AQR: variants seen among roughly 807,000 people sequenced by gnomAD.
AQR encodes RNA helicase aquarius.
AQR carries 61 observed loss-of-function variants against 180.5 expected under a neutral mutation model. The observed-to-expected ratio is 0.34, with a 90% CI of 0.28 to 0.42. AQR has a LOEUF of 0.42. Among genes scored for constraint, AQR ranks in the 10% least tolerant of loss-of-function variants. The pLI, the probability that AQR is intolerant of heterozygous loss-of-function variation, is 1.00. For missense variants in AQR, 1,281 were observed against 1,798.3 expected, an observed-to-expected ratio of 0.71 and a Z score of 5.20; for synonymous variants, 551 against 588.8, an observed-to-expected ratio of 0.94 and a Z score of 0.93.
intron 19 of AQR, among the ~76,000 whole-genome samples, chr15:34,901,385 A>G (rs934712804): frequency 1.3e-5 from 2 of 152,336 alleles, no homozygotes; most frequent in Middle Eastern, 3.4e-3. Flanking sequence ...AAGAAATAAA[A>G]AAGCGAACAA....
In AQR at chr15:34,949,649, C is replaced by A. The variant is rs1029996095; in HGVS notation, c.210-1265G>T. Among the ~76,000 whole-genome samples the A allele has an allele frequency of 2.5e-3, 355 of 141,410 alleles. 1 individual carries two copies. The highest frequency in any genetic ancestry group is 3.8e-3 in the Non-Finnish European group (244 of 64,804). 92.8% of individuals were successfully genotyped at this position (141,410 alleles called of 152,430 possible). A position where few individuals can be genotyped will look rare whatever the true frequency, so the allele number is the denominator to read the frequency against. On this transcript the variant is annotated intron_variant, in intron 4 of 34. Coordinates refer to ENST00000156471, the MANE Select transcript of AQR (RefSeq NM_014691.3). Reference sequence around the variant, plus strand: ...AAAAGGAAAACCCAAAAATACCTGACAAACATCAGTTCTAAAACAAAATGA... The same window carrying A: ...AAAAGGAAAACCCAAAAATACCTGAAAAACATCAGTTCTAAAACAAAATGA...
intron 15 of AQR, among the ~76,000 whole-genome samples, chr15:34,917,693 A>G (rs1012219314): frequency 6.6e-6 from 1 of 152,082 alleles, no homozygotes; most frequent in African/African-American, 2.4e-5. Context: ...CCTTGAAAAC[A>G]GTCTTATGGT....
chr15:34,907,018 A>C (rs1264727898), intron 17 of AQR, among the ~76,000 whole-genome samples: 2 of 152,216 alleles, frequency 1.3e-5, no homozygotes, highest in Non-Finnish European at 2.9e-5. Flanking sequence ...GTTCGTCATC[A>C]TTCTTATTTT....
intron 8 of AQR, 132 bp downstream of exon 8, chr15:34,940,767 G>A (rs757323957): frequency 5.6e-6 from 4 of 716,206 alleles, no homozygotes; most frequent in Non-Finnish European, 9.6e-6. Flanking sequence ...GACAGTCTAG[G>A]TAAAAGCACT....
chr15:34,950,084 CTTTTTTTTTTTTT>C (rs1174370425), intron 4 of AQR, among the ~76,000 whole-genome samples: 5 of 74,062 alleles, frequency 6.8e-5, no homozygotes, highest in African/African-American at 1.7e-4. Context: ...TGCTATTTTC[CTTTTTTTTTTTTT>C]TTTTTTTTTT....
At chr15:34,893,164 C>T (rs1346229120) in intron 23 of AQR, among the ~76,000 whole-genome samples, 1 of 152,174 alleles carries the variant, frequency 6.6e-6, no homozygotes, top group Non-Finnish European at 1.5e-5. Context: ...TTTACTTCTG[C>T]AGGTGGGTGC....
intron 4 of AQR, among the ~76,000 whole-genome samples, chr15:34,949,052 G>A (rs1894174823): frequency 6.6e-6 from 1 of 151,770 alleles, no homozygotes; most frequent in South Asian, 2.1e-4. Flanking sequence ...GAGTACAATG[G>A]CGTAATCTTG....
chr15:34,883,173 A>G (rs905169273), intron 26 of AQR, among the ~76,000 whole-genome samples: 3 of 152,120 alleles, frequency 2.0e-5, no homozygotes, highest in Non-Finnish European at 4.4e-5. Flanking sequence ...TGGAATCATG[A>G]AAGAGATGAA....
rs538116421 is a variant in AQR at position 34,911,290 on chromosome 15, C to T, written c.1485-977G>A. On this transcript the variant is annotated intron_variant, in intron 16 of 34. Transcript: ENST00000156471. ...TCTCTTTGGGACAGTGATTTTATTT[C>T]CTTTGGATAAACATTCAGAAGTGGG... Among the ~76,000 whole-genome samples, 44 of 152,260 alleles carry T rather than the reference C, an allele frequency of 2.9e-4. No individual in the cohort carries two copies. The South Asian group carries it at 5.0e-3, about 17-fold the overall frequency.
At chr15:34,952,293 T>TA (rs1407674193) in intron 4 of AQR, among the ~76,000 whole-genome samples, 3 of 152,216 alleles carry the variant, frequency 2.0e-5, no homozygotes, top group Non-Finnish European at 4.4e-5. Context: ...GGATAGTACT[T>TA]ACTTCACAGG....
intron 9 of AQR, among the ~76,000 whole-genome samples, chr15:34,938,080 A>T (rs1893970763): frequency 6.6e-6 from 1 of 152,094 alleles, no homozygotes; most frequent in Admixed American, 6.6e-5. Flanking sequence ...ACTTAAAAAC[A>T]CTATTCAGCA....
intron 13 of AQR, among the ~76,000 whole-genome samples, chr15:34,921,076 GTTTTA>G (rs1041350077): frequency 2.2e-4 from 34 of 152,250 alleles, no homozygotes; most frequent in African/African-American, 7.7e-4. Flanking sequence ...TCGAGTACCT[GTTTTA>G]TTTTAAATTC....
chr15:34,933,663 A>G (rs1474708843), intron 10 of AQR, among the ~76,000 whole-genome samples: 1 of 152,234 alleles, frequency 6.6e-6, no homozygotes, highest in Non-Finnish European at 1.5e-5. Context: ...CTCATGTTTA[A>G]TAACTATACT....
At position 34,927,077 on chromosome 15, in the gene AQR, ACTT is replaced by A. The variant is rs575753328; in HGVS notation, c.1073_1075del (p.Glu358del). The A allele has an allele frequency of 2.2e-4, 351 of 1,597,774 alleles. 1 individual carries two copies. The African/African-American group carries it at 4.5e-3, about 20-fold the overall frequency. On this transcript the variant is annotated inframe_deletion, in exon 13 of 35. Transcript: ENST00000156471. ...CTTGACCAAGGACTCCCGAGTATCT[ACTT>A]CTGCCACATTTGAGAGGGCAAAATC...
rs1211161528 is a variant in AQR at position 34,937,382 on chromosome 15, C to G, written c.718+1355G>C. Among the ~76,000 whole-genome samples the G allele has an allele frequency of 2.0e-5, 3 of 152,280 alleles. No individual in the cohort carries two copies. In the East Asian group the frequency reaches 5.8e-4, roughly 29 times the overall value. On this transcript the variant is annotated intron_variant, in intron 9 of 34. Transcript: ENST00000156471. ...GTACTGTGCCCTAAGTCAGATACAA[C>G]TGATTTACTGCATTGGTATCAATTC...
intron 10 of AQR, among the ~76,000 whole-genome samples, chr15:34,934,159 AAAAG>A (rs1893909342): frequency 6.6e-6 from 1 of 151,540 alleles, no homozygotes; most frequent in Non-Finnish European, 1.5e-5. Flanking sequence ...AAAAGGAAAG[AAAAG>A]AAAAGAAAAG....
chr15:34,931,828 A>G (rs143091862), intron 11 of AQR, among the ~76,000 whole-genome samples: 16 of 152,294 alleles, frequency 1.1e-4, no homozygotes, highest in African/African-American at 3.9e-4. Flanking sequence ...ACAAAACAAA[A>G]CAAAACCAAA....
chr15:34,962,185 C>T (rs1008205614), intron 2 of AQR, among the ~76,000 whole-genome samples: 6 of 151,948 alleles, frequency 3.9e-5, no homozygotes, highest in Non-Finnish European at 7.4e-5. Context: ...CCATACCCAC[C>T]TAATTTTTTG....
intron 30 of AQR, among the ~76,000 whole-genome samples, chr15:34,871,596 C>G (rs554022252): frequency 2.0e-5 from 3 of 151,900 alleles, no homozygotes; most frequent in African/African-American, 4.8e-5. Flanking sequence ...AACTAAGAAG[C>G]CAATACAATA....
Sources: allele counts gnomAD v4.1 joint callset (sites outside exome capture counted in the v4.1 genomes callset), GRCh38; gene constraint gnomAD v4.1.1; transcripts MANE v1.5; gene names NCBI Gene and HGNC (gene_info 2026-07-23, HGNC 2026-07-21).